Variants in RPS6KA2 observed in about 807,000 individuals in gnomAD.
RPS6KA2 encodes ribosomal protein S6 kinase alpha-2.
A neutral mutation model predicts 91.8 loss-of-function variants in RPS6KA2; 42 were observed. The observed-to-expected ratio is 0.46, with a 90% CI of 0.36 to 0.59. RPS6KA2 has a LOEUF of 0.59. Among genes scored for constraint, RPS6KA2 ranks in the 20% least tolerant of loss-of-function variants. The pLI is 0.00. For missense variants in RPS6KA2, 798 were observed against 978.5 expected (o/e 0.82, Z 2.46); for synonymous variants, 414 against 393.6 (o/e 1.05, Z -0.61).
At chr6:166,778,841 G>A (rs960326585) in intron 2 of RPS6KA2, among the ~76,000 whole-genome samples, 4 of 152,210 alleles carry the variant, frequency 2.6e-5, no homozygotes, top group African/African-American at 9.7e-5. Flanking sequence ...TGAGCTCCTG[G>A]CTCCTACAAA....
upstream of RPS6KA2, among the ~76,000 whole-genome samples, chr6:166,629,183 C>G (rs529719523): frequency 6.6e-6 from 1 of 152,228 alleles, no homozygotes; most frequent in Non-Finnish European, 1.5e-5. Context: ...AGGACCAACC[C>G]GACCATGCTT....
At position 166,488,834 on chromosome 6, in the gene RPS6KA2, C is replaced by T; in HGVS notation, c.906G>A (p.Leu302=). ...GTGGGGTGTCCCGGGGAATCTTACC[C>T]AGCCGGTTGCAGGGGTTCCGTTTGA... The part of the protein sequence containing the change: ...ALFKRNPCNR[L]GAGIDGVEEI... The change falls in exon 10 of 21, where the codon CTG becomes CTA. Residue 302 remains leucine, a splice_region_variant and synonymous_variant. Transcript: ENST00000265678. 1 of 1,612,066 alleles carries T rather than the reference C, an allele frequency of 6.2e-7. No individual in the cohort carries two copies. The highest frequency in any genetic ancestry group is 8.5e-7 in the Non-Finnish European group (1 of 1,179,270).
intron 2 of RPS6KA2, among the ~76,000 whole-genome samples, chr6:166,643,987 C>T (rs1787528430): frequency 6.6e-6 from 1 of 152,216 alleles, no homozygotes; most frequent in Non-Finnish European, 1.5e-5. Flanking sequence ...CAAATATTTG[C>T]TGAATGGATA....
At chr6:166,463,845 C>T (rs938135301) in intron 11 of RPS6KA2, among the ~76,000 whole-genome samples, 5 of 152,144 alleles carry the variant, frequency 3.3e-5, no homozygotes, top group African/African-American at 7.2e-5. Flanking sequence ...AGAATCTAAA[C>T]GATTTTCAAA....
At chr6:166,549,796 C>G (rs907043246) in intron 1 of RPS6KA2, among the ~76,000 whole-genome samples, 2 of 152,160 alleles carry the variant, frequency 1.3e-5, no homozygotes, top group Admixed American at 6.5e-5. Context: ...CACACGAGTA[C>G]ACGTAAAACT....
chr6:166,535,037 G>A (rs946909592), intron 2 of RPS6KA2, among the ~76,000 whole-genome samples: 3 of 152,244 alleles, frequency 2.0e-5, no homozygotes, highest in Non-Finnish European at 4.4e-5. Flanking sequence ...CAATTTTAAT[G>A]TAGTGGAATA....
rs1456381356 is a variant in RPS6KA2 at position 166,593,785 on chromosome 6, CAT to C, written c.99+33134_99+33135del. On this transcript the variant is annotated intron_variant, in intron 1 of 20. Transcript: ENST00000265678. ...ACAGGTGATTAACACAATCAATAAA[CAT>C]ATGAACAAACTTCAAACTCACTAAT... is the stretch of plus-strand genomic sequence containing the variant. 2.6e-5 allele frequency among the ~76,000 whole-genome samples: 4 copies of C among 152,188 alleles called. No individual in the cohort carries two copies. In the South Asian group the frequency reaches 8.3e-4, roughly 32 times the overall value.
rs1001261815 is a variant in RPS6KA2 at position 166,639,608 on chromosome 6, C to T, written c.124-100824G>A. Among the ~76,000 whole-genome samples the T allele has an allele frequency of 2.0e-5, 3 of 152,152 alleles. No individual in the cohort carries two copies. Among genetic ancestry groups the T allele is most frequent in the African/African-American group, 7.2e-5 (3 of 41,428 alleles). Reference sequence around the variant, plus strand: ...CATGTTGCGTTTGCCTCTCCTCCTTCCTCCAGGGTGCAGTCTCTGCTCCTG... The same window carrying T: ...CATGTTGCGTTTGCCTCTCCTCCTTTCTCCAGGGTGCAGTCTCTGCTCCTG... On this transcript the variant is annotated intron_variant, in intron 2 of 21. Coordinates refer to the RPS6KA2 transcript ENST00000503859. The surrounding 1 kb of genome is among the most constrained non-coding windows in gnomAD (Gnocchi z 4.2).
At chr6:166,586,341 C>G in intron 1 of RPS6KA2, 1 of 1,599,584 alleles carries the variant, frequency 6.3e-7, no homozygotes, top group Non-Finnish European at 8.5e-7. Context: ...CCCACCAGCT[C>G]TGCTATTCCA....
chr6:166,702,545 T>C, intron 2 of RPS6KA2: 2 of 1,438,536 alleles, frequency 1.4e-6, no homozygotes, highest in East Asian at 2.3e-5. Context: ...ACTAGTCAAC[T>C]ATCCAGCACC....
At chr6:166,800,836 C>T (rs2128617749) in intron 2 of RPS6KA2, among the ~76,000 whole-genome samples, 1 of 152,282 alleles carries the variant, frequency 6.6e-6, no homozygotes, top group South Asian at 2.1e-4. Flanking sequence ...ATGGCAGGCA[C>T]TGGAAATATA....
intron 13 of RPS6KA2, among the ~76,000 whole-genome samples, chr6:166,449,843 A>C (rs62438438): frequency 9.6e-5 from 8 of 83,014 alleles, no homozygotes; most frequent in Admixed American, 4.1e-4. Context: ...ACCACGGGAC[A>C]ACCACGAGGA....
At chr6:166,579,452 T>C (rs888289203) in intron 1 of RPS6KA2, among the ~76,000 whole-genome samples, 1 of 152,100 alleles carries the variant, frequency 6.6e-6, no homozygotes, top group Admixed American at 6.5e-5. Context: ...GAGGTTTCGG[T>C]GGTGGCAATT....
At chr6:166,688,635 G>A (rs1789097025) in intron 2 of RPS6KA2, among the ~76,000 whole-genome samples, 1 of 152,256 alleles carries the variant, frequency 6.6e-6, no homozygotes, top group African/African-American at 2.4e-5. Flanking sequence ...ATGATCCCCA[G>A]GTAGGGGGCG....
intron 1 of RPS6KA2, among the ~76,000 whole-genome samples, chr6:166,579,389 G>A (rs752336108): frequency 1.2e-4 from 18 of 151,956 alleles, no homozygotes; most frequent in Non-Finnish European, 2.5e-4. Context: ...CTGGCCTGTC[G>A]CCCACAGGCC....
intron 2 of RPS6KA2, among the ~76,000 whole-genome samples, chr6:166,774,860 T>TTTTTTTTTTTTTTTTTTGA (rs1778571599): frequency 6.6e-6 from 1 of 151,906 alleles, no homozygotes; most frequent in African/African-American, 2.4e-5. Flanking sequence ...GTGTGCTTCT[T>TTTTTTTTTTTTTTTTTTGA]GTCTGTGACC....
chr6:166,702,795 G>T lies in RPS6KA2; in HGVS notation c.123+155405C>A, dbSNP rs984478501. 8 of 1,088,878 alleles carry T rather than the reference G, an allele frequency of 7.3e-6. No individual in the cohort carries two copies. In the African/African-American group the frequency reaches 1.2e-4, roughly 17 times the overall value. The allele number at this position is 1,088,878 out of a possible 1,614,324, so 67.5% of individuals were successfully genotyped here. A position where few individuals can be genotyped will look rare whatever the true frequency, so the allele number is the denominator to read the frequency against. Reference sequence around the variant, plus strand: ...CCTTCAAGATACCTTCTAGGTCCAAGGGGGCGGCGTTCTCGCTGAGGTTTC... The same window carrying T: ...CCTTCAAGATACCTTCTAGGTCCAATGGGGCGGCGTTCTCGCTGAGGTTTC... On this transcript the variant is annotated intron_variant, in intron 2 of 21. Coordinates refer to the RPS6KA2 transcript ENST00000503859.
rs2230730 is a variant in RPS6KA2 at position 166,448,745 on chromosome 6, T to C, written c.1311A>G (p.Thr437=). The change falls in exon 14 of 21, where the codon ACA becomes ACG. Residue 437 remains threonine (T), a synonymous_variant. Coordinates refer to ENST00000265678, the MANE Select transcript of RPS6KA2 (RefSeq NM_021135.6). The surrounding 1 kb of genome is among the most constrained non-coding windows in gnomAD (Gnocchi z 4.7). The stretch of plus-strand genomic sequence containing the variant: ...TTACCTTCACGGCATACTCGGTGTC[T>C]GTGGCTTTATGCACACATCGCTTGC... ...SVCKRCVHKA[T]DTEYAVKIID... The C allele has an allele frequency of 0.28, 453,800 of 1,611,786 alleles. 65,771 individuals carry two copies. The highest frequency in any genetic ancestry group is 0.31 in the Middle Eastern group (1,884 of 6,052).
intron 1 of RPS6KA2, among the ~76,000 whole-genome samples, chr6:166,555,427 C>A (rs1192850516): frequency 6.6e-6 from 1 of 152,198 alleles, no homozygotes; most frequent in Non-Finnish European, 1.5e-5. Flanking sequence ...AAGACCCCCA[C>A]AGAGGAATGG....
Sources: gnomAD v4.1 joint callset for allele counts (sites outside exome capture counted in the v4.1 genomes callset) on GRCh38, gnomAD v4.1.1 for gene constraint, Gnocchi (gnomAD v3.1) non-coding constraint, MANE v1.5 for transcripts, NCBI Gene and HGNC (gene_info 2026-07-23, HGNC 2026-07-21) for gene names.